The following PLCE1 variants were observed in gnomAD, a reference collection of about 807,000 sequenced individuals.
The protein encoded by PLCE1 is phospholipase C epsilon 1.
In PLCE1, 119 loss-of-function variants were observed where a neutral mutation model predicts 242.8. The ratio of observed to expected loss-of-function variants is 0.49; its 90% CI spans 0.42 to 0.57. The LOEUF (loss-of-function observed/expected upper bound fraction) is 0.57, where lower values mean the gene tolerates loss of function less well. PLCE1 is among the 20% of genes least tolerant of loss of function. The pLI, the probability that PLCE1 is intolerant of heterozygous loss-of-function variation, is 0.00. For missense variants in PLCE1, 2,441 were observed against 2,788.8 expected, an observed-to-expected ratio of 0.88 and a Z score of 2.81; for synonymous variants, 945 against 1,017.4, an observed-to-expected ratio of 0.93 and a Z score of 1.35.
intron 1 of PLCE1, among the ~76,000 whole-genome samples, chr10:94,020,064 A>G (rs893343438): frequency 6.6e-6 from 1 of 152,212 alleles, no homozygotes; most frequent in African/African-American, 2.4e-5. Context: ...GTATATGCTT[A>G]ACTTTATAAG....
At chr10:94,314,768 A>G (rs1026791944) in intron 28 of PLCE1, 2 of 152,208 alleles carry the variant, frequency 1.3e-5, no homozygotes, top group African/African-American at 2.4e-5. Context: ...ATAAGTGTCA[A>G]TAAATGGCTC....
intron 2 of PLCE1, among the ~76,000 whole-genome samples, chr10:94,084,076 C>T (rs555618900): frequency 6.6e-6 from 1 of 152,284 alleles, no homozygotes; most frequent in African/African-American, 2.4e-5. Flanking sequence ...GCTGCTAAAA[C>T]ATACAATCCT....
chr10:94,129,390 T>C (rs1362401967), intron 2 of PLCE1, among the ~76,000 whole-genome samples: 1 of 152,250 alleles, frequency 6.6e-6, no homozygotes. Flanking sequence ...ACTCTCGTAA[T>C]TGTCTTTAAT....
At chr10:94,277,441 A>T (rs1388304782) in intron 19 of PLCE1, among the ~76,000 whole-genome samples, 1 of 152,098 alleles carries the variant, frequency 6.6e-6, no homozygotes, top group East Asian at 1.9e-4. Flanking sequence ...ATTGCATAGA[A>T]GGGTCCCAGC....
intron 2 of PLCE1, among the ~76,000 whole-genome samples, chr10:94,034,724 T>C (rs981857825): frequency 1.3e-5 from 2 of 152,202 alleles, no homozygotes; most frequent in Non-Finnish European, 2.9e-5. Context: ...CTCAGGCCCT[T>C]TGAATCAGAA....
At chr10:94,100,254 C>T in intron 2 of PLCE1, 1 of 152,282 alleles carries the variant, frequency 6.6e-6, no homozygotes, top group Non-Finnish European at 1.5e-5. Context: ...AACTGAAGTC[C>T]TTCCATTCTC....
intron 2 of PLCE1, among the ~76,000 whole-genome samples, chr10:94,073,652 G>T (rs1331996302): frequency 6.6e-6 from 1 of 152,196 alleles, no homozygotes; most frequent in South Asian, 2.1e-4. Context: ...CTGGGCACAT[G>T]TGCTACCTCC....
At chr10:94,241,911 C>T (rs2050518933) in intron 7 of PLCE1, among the ~76,000 whole-genome samples, 1 of 151,868 alleles carries the variant, frequency 6.6e-6, no homozygotes, top group South Asian at 2.1e-4. Context: ...AATGAGTGTA[C>T]TTTACCAAGA....
At chr10:94,307,484 C>T (rs1481423734) in intron 26 of PLCE1, among the ~76,000 whole-genome samples, 1 of 152,186 alleles carries the variant, frequency 6.6e-6, no homozygotes, top group Admixed American at 6.5e-5. Context: ...GCAAGTAGCC[C>T]GTGGTCATTT....
At chr10:94,024,935 T>C (rs188971088) in intron 1 of PLCE1, among the ~76,000 whole-genome samples, 1 of 152,260 alleles carries the variant, frequency 6.6e-6, no homozygotes, top group African/African-American at 2.4e-5. Flanking sequence ...CCCACCTTTT[T>C]AGTTTTAGTT....
chr10:94,301,738 G>A (rs1191374565), intron 24 of PLCE1, among the ~76,000 whole-genome samples: 1 of 152,130 alleles, frequency 6.6e-6, no homozygotes, highest in Non-Finnish European at 1.5e-5. Flanking sequence ...ACGTGAGGCT[G>A]GTATGCAAAC....
intron 2 of PLCE1, among the ~76,000 whole-genome samples, chr10:94,117,892 T>G (rs1305063238): frequency 1.3e-5 from 2 of 152,200 alleles, no homozygotes; most frequent in Non-Finnish European, 2.9e-5. Flanking sequence ...AGCTCTTAAG[T>G]CTACTTTTTA....
chr10:94,069,549 G>A (rs1333164957), intron 2 of PLCE1, among the ~76,000 whole-genome samples: 2 of 152,192 alleles, frequency 1.3e-5, no homozygotes, highest in Non-Finnish European at 2.9e-5. Flanking sequence ...GGAGGCAGAA[G>A]TTGCAGTGAG....
At chr10:94,147,036 T>C (rs928838621) in intron 3 of PLCE1, among the ~76,000 whole-genome samples, 1 of 152,206 alleles carries the variant, frequency 6.6e-6, no homozygotes, top group Non-Finnish European at 1.5e-5. Flanking sequence ...TCTAGTTTTC[T>C]ACACGCATAA....
At chr10:94,059,703 T>C (rs1016601935) in intron 2 of PLCE1, among the ~76,000 whole-genome samples, 3 of 152,222 alleles carry the variant, frequency 2.0e-5, no homozygotes, top group African/African-American at 7.2e-5. Flanking sequence ...ACTCATGCAC[T>C]ATTGCACTGG....
chr10:94,202,050 G>T (rs185631454), intron 4 of PLCE1, among the ~76,000 whole-genome samples: 1 of 152,276 alleles, frequency 6.6e-6, no homozygotes, highest in Non-Finnish European at 1.5e-5. Flanking sequence ...GGTTTTAGGG[G>T]TTTTTGTGTG....
chr10:94,071,279 C>G (rs1336606311), intron 2 of PLCE1, among the ~76,000 whole-genome samples: 1 of 152,074 alleles, frequency 6.6e-6, no homozygotes, highest in Non-Finnish European at 1.5e-5. Context: ...ATAGTTTCCT[C>G]CAAACCAGAG....
intron 4 of PLCE1, among the ~76,000 whole-genome samples, chr10:94,219,412 T>A (rs1290712809): frequency 2.0e-5 from 3 of 152,232 alleles, no homozygotes; most frequent in Non-Finnish European, 4.4e-5. Flanking sequence ...GGCTTCCTTC[T>A]TAGGCAGGCT....
intron 4 of PLCE1, among the ~76,000 whole-genome samples, chr10:94,219,500 T>A (rs2049648065): frequency 6.6e-6 from 1 of 152,158 alleles, no homozygotes; most frequent in African/African-American, 2.4e-5. Context: ...AACAAAAAGG[T>A]TGTCTCTTTT....
Sources: gnomAD v4.1 joint callset for allele counts (sites outside exome capture counted in the v4.1 genomes callset) on GRCh38, gnomAD v4.1.1 for gene constraint, MANE v1.5 for transcripts, NCBI Gene and HGNC (gene_info 2026-07-23, HGNC 2026-07-21) for gene names.